Variants in NDRG4 observed in about 807,000 individuals in gnomAD.
NDRG4 encodes the protein NDRG family member 4, also known as protein NDRG4.
A neutral mutation model predicts 55.8 loss-of-function variants in NDRG4; 38 were observed. The ratio of observed to expected loss-of-function variants is 0.68; its 90% confidence interval spans 0.53 to 0.89. NDRG4 has a LOEUF of 0.89. NDRG4 is among the 40% of genes least tolerant of loss of function. The probability of loss-of-function intolerance (pLI) is 0.00; values close to 1 mark genes in which losing one functional copy is unlikely to be tolerated. For missense variants in NDRG4, 455 were observed against 468.6 expected (o/e 0.97, Z 0.27); for synonymous variants, 190 against 182.7 (o/e 1.04, Z -0.32).
intron 10 of NDRG4, 30 bp downstream of exon 10, chr16:58,508,029 G>A: frequency 6.6e-7 from 1 of 1,523,988 alleles, no homozygotes; most frequent in African/African-American, 1.4e-5. Context: ...CTCACTGGGG[G>A]TGGGAGGTAG....
chr16:58,481,458 G>T (rs368122070), intron 1 of NDRG4, among the ~76,000 whole-genome samples: 1 of 151,978 alleles, frequency 6.6e-6, no homozygotes, highest in Non-Finnish European at 1.5e-5. Context: ...GGGTGCGTGC[G>T]TGTGTGTGTG....
At position 58,506,375 on chromosome 16, in the gene NDRG4, C is replaced by G; in HGVS notation, c.373-12C>G. ...CTGGCCCCGCCCGGCCCTGTTTCCC[C>G]TCTTACTGCAGCTCATCTTCCCCGA... On this transcript the variant is annotated splice_polypyrimidine_tract_variant and intron_variant, in intron 5 of 14. Transcript: ENST00000570248. 1 of 1,613,722 alleles carries G rather than the reference C, an allele frequency of 6.2e-7. No individual in the cohort carries two copies. The highest frequency in any genetic ancestry group is 8.5e-7 in the Non-Finnish European group (1 of 1,179,864).
intron 2 of NDRG4, among the ~76,000 whole-genome samples, chr16:58,491,931 A>G (rs556423504): frequency 4.0e-4 from 61 of 152,136 alleles, no homozygotes; most frequent in South Asian, 4.0e-3. Flanking sequence ...ACAGGCATGC[A>G]CCACCATGCC....
chr16:58,513,861 G>C (rs561103375), downstream of NDRG4, among the ~76,000 whole-genome samples: 6 of 152,338 alleles, frequency 3.9e-5, no homozygotes, highest in East Asian at 1.2e-3. Flanking sequence ...GGGAGGCTGA[G>C]GCAGGAGAAT....
intron 5 of NDRG4, 148 bp from the exon 6 acceptor site, chr16:58,506,239 A>G: frequency 1.3e-6 from 1 of 761,192 alleles, no homozygotes; most frequent in Non-Finnish European, 2.4e-6. Flanking sequence ...AGAGGAGGAC[A>G]GGCAGGGGCA....
At chr16:58,507,514 A>C (rs1033217749) in intron 8 of NDRG4, 1 of 485,102 alleles carries the variant, frequency 2.1e-6, no homozygotes, top group Non-Finnish European at 3.6e-6. Context: ...AATAGAGAAT[A>C]GAGAGACCCA....
intron 1 of NDRG4, among the ~76,000 whole-genome samples, chr16:58,474,014 TTTC>T (rs1174944752): frequency 1.3e-5 from 2 of 150,076 alleles, no homozygotes; most frequent in African/African-American, 2.4e-5. Context: ...TTTTTTCACT[TTTC>T]TTTTCTTTCC....
At chr16:58,505,460 C>T (rs1053183041) in intron 5 of NDRG4, among the ~76,000 whole-genome samples, 14 of 148,634 alleles carry the variant, frequency 9.4e-5, no homozygotes, top group African/African-American at 2.0e-4. Context: ...TAATTTTTCA[C>T]GATCGAAGAC....
Position 58,504,428 on chromosome 16 carries a change from C to T in NDRG4, c.311+7C>T, listed in dbSNP as rs1258928561. 6.2e-7 allele frequency: 1 copy of T among 1,612,172 alleles called. No homozygotes were observed. The highest frequency in any genetic ancestry group is 1.7e-5 in the Admixed American group (1 of 60,028). On this transcript the variant is annotated splice_region_variant and intron_variant, in intron 4 of 14. Transcript: ENST00000570248. ...GCGTGGTGCAGCATTTCGGGTGAGT[C>T]CCCGCACAGCCCCTGCGCTAGGGCC...
chr16:58,477,077 T>TA (rs1159602035), intron 1 of NDRG4, among the ~76,000 whole-genome samples: 1 of 151,576 alleles, frequency 6.6e-6, no homozygotes, highest in Non-Finnish European at 1.5e-5. Flanking sequence ...GGTGTTGAAT[T>TA]AGAGTTAAAG....
At position 58,504,656 on chromosome 16, in the gene NDRG4, C is replaced by A. The variant is rs750489695; in HGVS notation, c.372+7C>A. 1 of 1,614,204 alleles carries A rather than the reference C, an allele frequency of 6.2e-7. No individual in the cohort carries two copies. Among genetic ancestry groups the A allele is most frequent in the South Asian group, 1.1e-5 (1 of 91,084 alleles). On this transcript the variant is annotated splice_region_variant and intron_variant, in intron 5 of 14. Coordinates refer to ENST00000570248, the MANE Select transcript of NDRG4 (RefSeq NM_001242835.2). Reference sequence around the variant, plus strand: ...TGTGCTGGCCAAGTTTGCAGTGAGTCTCCCCATGCCCCCATTACCCCAAAC... The same window carrying A: ...TGTGCTGGCCAAGTTTGCAGTGAGTATCCCCATGCCCCCATTACCCCAAAC...
chr16:58,474,030 T>C lies in NDRG4; in HGVS notation c.-24+10233T>C. 6.3e-5 allele frequency among the ~76,000 whole-genome samples: 4 copies of C among 63,362 alleles called. No individual in the cohort carries two copies. The South Asian group carries it at 2.3e-3, about 37-fold the overall frequency. 41.6% of individuals were successfully genotyped at this position (63,362 alleles called of 152,430 possible). On this transcript the variant is annotated intron_variant, in intron 1 of 15. Coordinates refer to the NDRG4 transcript ENST00000258187. ...TTTTTCACTTTTCTTTTCTTTCCCT[T>C]TTTTTTTTTTTTTTTTTTTTTTTTG...
At chr16:58,479,827 C>T (rs568257407) in intron 1 of NDRG4, among the ~76,000 whole-genome samples, 13 of 152,192 alleles carry the variant, frequency 8.5e-5, no homozygotes, top group African/African-American at 3.1e-4. Context: ...CATTGTTTCA[C>T]GTGCATTTCT....
At chr16:58,489,069 T>C (rs1450875392) in intron 2 of NDRG4, among the ~76,000 whole-genome samples, 56 of 152,050 alleles carry the variant, frequency 3.7e-4, no homozygotes, top group Middle Eastern at 3.4e-3. Context: ...GAGGCCGAGG[T>C]GGGCAGATCA....
upstream of NDRG4, among the ~76,000 whole-genome samples, chr16:58,498,009 A>G (rs897691772): frequency 2.0e-5 from 3 of 151,966 alleles, no homozygotes; most frequent in Non-Finnish European, 4.4e-5. Context: ...GCCAGGAAGG[A>G]CTTAAACCCA....
At chr16:58,492,905 C>T (rs554937241) in intron 2 of NDRG4, among the ~76,000 whole-genome samples, 3 of 152,248 alleles carry the variant, frequency 2.0e-5, no homozygotes, top group Admixed American at 2.0e-4. Flanking sequence ...TCCCTCCTCT[C>T]CTTCCCTCCT....
chr16:58,511,510 C>A lies in NDRG4; in HGVS notation c.993C>A (p.Ala331=). ...CGGTGGATGGCAGCCGCCCACAGGC[C>A]TGCACCCACTCAGAGAGCAGCGAGG... is the stretch of plus-strand genomic sequence containing the variant. ...ASSVDGSRPQ[A]CTHSESSEGL... The change falls in exon 15 of 15, where the codon GCC becomes GCA. Residue 331 remains alanine (A), a synonymous_variant. Coordinates refer to ENST00000570248, the MANE Select transcript of NDRG4 (RefSeq NM_001242835.2). 1 of 1,613,034 alleles carries A rather than the reference C, an allele frequency of 6.2e-7. No homozygotes were observed. Among genetic ancestry groups the A allele is most frequent in the Non-Finnish European group, 8.5e-7 (1 of 1,179,960 alleles).
chr16:58,473,561 G>T (rs1049953921), intron 1 of NDRG4, among the ~76,000 whole-genome samples: 1 of 152,042 alleles, frequency 6.6e-6, no homozygotes, highest in Non-Finnish European at 1.5e-5. Flanking sequence ...TTTTCTCAAG[G>T]TCTTCCCTAA....
chr16:58,481,648 G>A (rs540266265), intron 1 of NDRG4, among the ~76,000 whole-genome samples: 5 of 152,260 alleles, frequency 3.3e-5, no homozygotes, highest in East Asian at 1.9e-4. Flanking sequence ...CCACCCACCC[G>A]GGGAGGCGGA....
Sources: allele counts gnomAD v4.1 joint callset (sites outside exome capture counted in the v4.1 genomes callset), GRCh38; gene constraint gnomAD v4.1.1; transcripts MANE v1.5; gene names NCBI Gene and HGNC (gene_info 2026-07-23, HGNC 2026-07-21).